LAMA1: variants seen among roughly 807,000 people sequenced by gnomAD.
LAMA1 encodes laminin subunit alpha-1.
A neutral mutation model predicts 348.7 loss-of-function variants in LAMA1; 219 were observed. The ratio of observed to expected loss-of-function variants is 0.63; its 90% CI spans 0.56 to 0.70. The LOEUF (loss-of-function observed/expected upper bound fraction) is 0.70. Ranked by LOEUF, LAMA1 falls within the 30% of genes least tolerant of loss-of-function variation. LAMA1 has a pLI of 0.00. For missense variants in LAMA1, 3,744 were observed against 3,888.0 expected, an observed-to-expected ratio of 0.96 and a Z score of 0.99; for synonymous variants, 1,487 against 1,491.0, an observed-to-expected ratio of 1.00 and a Z score of 0.06.
intron 45 of LAMA1, 133 bp from the exon 46 acceptor site, chr18:6,975,169 C>A (rs920720320): frequency 1.8e-5 from 20 of 1,114,896 alleles, no homozygotes; most frequent in Middle Eastern, 3.0e-4. Context: ...GCAAACCCCC[C>A]AAATCTATTT....
chr18:7,009,361 A>T lies in LAMA1; in HGVS notation c.3879T>A (p.Phe1293Leu). The T allele has an allele frequency of 6.2e-7, 1 of 1,614,116 alleles. No homozygotes were observed. Among genetic ancestry groups the T allele is most frequent in the Non-Finnish European group, 8.5e-7 (1 of 1,179,996 alleles). Residue 1293 changes from phenylalanine (F) to leucine (L), a missense_variant, in exon 27 of 63, where the codon TTT becomes TTA. Around this residue, in one of 3 missense-constraint regions of LAMA1, gnomAD observed 1,983 missense variants for 1,934.3 expected, o/e 1.03. Coordinates refer to ENST00000389658, the MANE Select transcript of LAMA1 (RefSeq NM_005559.4). ...QEQEVAMRENFWKYFNSVSEK... is the reference protein window; with the variant it reads ...QEQEVAMRENLWKYFNSVSEK... ...CAGAAACAGAGTTAAAATATTTCCA[A>T]AAATTCTGTAGAATGAGAAACACAT...
intron 1 of LAMA1, among the ~76,000 whole-genome samples, chr18:7,114,076 C>CAAA (rs4012960): frequency 2.2e-4 from 25 of 115,326 alleles, no homozygotes; most frequent in East Asian, 7.4e-4. Context: ...GACTCCGTCT[C>CAAA]AAAAAAAAAA....
chr18:7,116,765 G>T (rs185581346), intron 1 of LAMA1, among the ~76,000 whole-genome samples: 2 of 152,172 alleles, frequency 1.3e-5, no homozygotes, highest in African/African-American at 4.8e-5. Flanking sequence ...CCCCAAAAGG[G>T]AAAAGAATTC....
At chr18:7,109,021 G>T (rs1375621601) in intron 1 of LAMA1, among the ~76,000 whole-genome samples, 1 of 152,182 alleles carries the variant, frequency 6.6e-6, no homozygotes, top group Non-Finnish European at 1.5e-5. Context: ...TCTGCTTGAA[G>T]ACCAACTGGA....
chr18:6,965,311 G>A lies in LAMA1; in HGVS notation c.7172C>T (p.Ala2391Val). ...RYNNGTWYKI[A>V]FQRNRKQGVL... ...ACCTTGCTTCCGGTTTCGCTGGAAGGCAATTTTGTACCAGGTTCCATTGTT... is the reference window on the plus strand; with the variant it reads ...ACCTTGCTTCCGGTTTCGCTGGAAGACAATTTTGTACCAGGTTCCATTGTT... The change falls in exon 50 of 63, where the codon GCC becomes GTC. Residue 2391 changes from alanine to valine, a missense_variant. By Grantham distance (64) the Ala-to-Val change is moderately conservative (BLOSUM62 0). This residue lies in a region of LAMA1 where 1,983 missense variants were observed against 1,934.3 expected (regional missense o/e 1.03). Transcript: ENST00000389658. 2 of 1,614,182 alleles carry A rather than the reference G, an allele frequency of 1.2e-6. No homozygotes were observed. The highest frequency in any genetic ancestry group is 1.7e-6 in the Non-Finnish European group (2 of 1,180,022).
At chr18:7,055,390 T>C (rs1460805534) in intron 3 of LAMA1, among the ~76,000 whole-genome samples, 2 of 146,786 alleles carry the variant, frequency 1.4e-5, no homozygotes, top group Non-Finnish European at 3.0e-5. Context: ...GAGGCAGAGG[T>C]TGCAGTGAGC....
At chr18:7,062,336 GGAGCAAAGGTGAGGAAA>G (rs531863448) in intron 3 of LAMA1, among the ~76,000 whole-genome samples, 183 of 152,308 alleles carry the variant, frequency 1.2e-3, no homozygotes, top group African/African-American at 4.1e-3. Context: ...CCAGGTAACT[GGAGCAAAGGTGAGGAAA>G]GACACTGAGG....
At chr18:7,099,079 A>G (rs1391412953) in intron 1 of LAMA1, among the ~76,000 whole-genome samples, 5 of 152,034 alleles carry the variant, frequency 3.3e-5, no homozygotes, top group South Asian at 2.1e-4. Flanking sequence ...GTGTCTGTGT[A>G]GAAAGAAGTA....
chr18:6,990,540 A>G (rs1007329185), intron 36 of LAMA1, among the ~76,000 whole-genome samples: 2 of 152,120 alleles, frequency 1.3e-5, no homozygotes, highest in African/African-American at 4.8e-5. Flanking sequence ...GCCCGAGAAG[A>G]GCACAGCTGA....
intron 1 of LAMA1, among the ~76,000 whole-genome samples, chr18:7,085,302 A>G (rs2058210171): frequency 6.6e-6 from 1 of 152,024 alleles, no homozygotes; most frequent in Non-Finnish European, 1.5e-5. Flanking sequence ...GAAAAGTAGG[A>G]ATTTAAGTTT....
intron 58 of LAMA1, among the ~76,000 whole-genome samples, chr18:6,949,999 A>G (rs2057539086): frequency 6.6e-6 from 1 of 152,186 alleles, no homozygotes; most frequent in African/African-American, 2.4e-5. Context: ...TAAGTGTTAT[A>G]CCTTCTCCAA....
chr18:7,108,028 A>G (rs1176432485), intron 1 of LAMA1, among the ~76,000 whole-genome samples: 5 of 146,912 alleles, frequency 3.4e-5, no homozygotes, highest in Non-Finnish European at 6.0e-5. Flanking sequence ...AAAAAAAATA[A>G]CAAAAAAAAA....
intron 17 of LAMA1, among the ~76,000 whole-genome samples, chr18:7,025,197 G>A (rs2057936892): frequency 6.6e-6 from 1 of 152,152 alleles, no homozygotes; most frequent in Non-Finnish European, 1.5e-5. Context: ...ACCTTGCCTG[G>A]TACATCTCCT....
chr18:7,010,740 A>G (rs1319245870), intron 25 of LAMA1, among the ~76,000 whole-genome samples: 1 of 152,202 alleles, frequency 6.6e-6, no homozygotes, highest in Non-Finnish European at 1.5e-5. Flanking sequence ...ATTCACACAC[A>G]GACTCCAATG....
At position 7,007,154 on chromosome 18, in the gene LAMA1, G is replaced by T. The variant is rs763221900; in HGVS notation, c.4245C>A (p.Asn1415Lys). The change falls in exon 29 of 63, where the codon AAC becomes AAA. Residue 1415 changes from asparagine (N) to lysine (K), a missense_variant. Asn to Lys is a moderately conservative substitution (Grantham distance 94). This residue lies in a region of LAMA1 where 1,983 missense variants were observed against 1,934.3 expected (regional missense o/e 1.03). Transcript: ENST00000389658. Reference sequence around the variant, plus strand: ...ACCAGCATACCAGACACTTCCCGGTGTTGGGGTCACAGGTGTCACTGTGGT... The same window carrying T: ...ACCAGCATACCAGACACTTCCCGGTTTTGGGGTCACAGGTGTCACTGTGGT... ...CNNHSDTCDP[N>K]TGKCLNCGDN... 1 of 1,614,150 alleles carries T rather than the reference G, an allele frequency of 6.2e-7. No individual in the cohort carries two copies. The highest frequency in any genetic ancestry group is 8.5e-7 in the Non-Finnish European group (1 of 1,180,024).
At chr18:7,097,427 A>G (rs546441774) in intron 1 of LAMA1, among the ~76,000 whole-genome samples, 90 of 152,132 alleles carry the variant, frequency 5.9e-4, no homozygotes, top group Non-Finnish European at 9.4e-4. Context: ...GGAAGATTCA[A>G]TATTGTTAGA....
rs540701980 is a variant in LAMA1, at chr18:7,050,462, G to T, written c.588+232C>A. On this transcript the variant is annotated intron_variant, in intron 4 of 62. Coordinates refer to ENST00000389658, the MANE Select transcript of LAMA1 (RefSeq NM_005559.4). ...ATGCTCTGAAGGAGGATCCAAGGGC[G>T]TTATTAAATCACAGCAGAGTGAAGA... Among the ~76,000 whole-genome samples the T allele has an allele frequency of 2.0e-5, 3 of 152,328 alleles. No individual in the cohort carries two copies. In the South Asian group the frequency reaches 6.2e-4, roughly 32 times the overall value.
chr18:7,060,759 A>G (rs569190319), intron 3 of LAMA1, among the ~76,000 whole-genome samples: 216 of 152,322 alleles, frequency 1.4e-3, no homozygotes, highest in African/African-American at 5.0e-3. Flanking sequence ...TCTGACTTCC[A>G]TCAATTAGAA....
intron 39 of LAMA1, among the ~76,000 whole-genome samples, chr18:6,984,996 A>G (rs2057727785): frequency 6.6e-6 from 1 of 152,252 alleles, no homozygotes; most frequent in Non-Finnish European, 1.5e-5. Flanking sequence ...TTAATATTAT[A>G]CTGTAGCATA....
Sources: allele counts gnomAD v4.1 joint callset (sites outside exome capture counted in the v4.1 genomes callset), GRCh38; gene constraint gnomAD v4.1.1; regional missense constraint gnomAD v4.1.1; transcripts MANE v1.5; gene names NCBI Gene and HGNC (gene_info 2026-07-23, HGNC 2026-07-21).